DSCAM: variants seen among roughly 807,000 people sequenced by gnomAD.
The protein encoded by DSCAM is DS cell adhesion molecule.
In DSCAM, 47 loss-of-function variants were observed where a neutral mutation model predicts 217.7. The ratio of observed to expected loss-of-function variants is 0.22; its 90% CI spans 0.17 to 0.28. The LOEUF is 0.28. Ranked by LOEUF, DSCAM falls within the 10% of genes least tolerant of loss-of-function variation. The pLI is 1.00. For missense variants in DSCAM, 2,080 were observed against 2,618.3 expected (o/e 0.79, Z 4.49); for synonymous variants, 1,056 against 1,015.3 (o/e 1.04, Z -0.76).
At chr21:40,740,924 A>T (rs73224240) in intron 1 of DSCAM, among the ~76,000 whole-genome samples, 1 of 152,376 alleles carries the variant, frequency 6.6e-6, no homozygotes, top group Non-Finnish European at 1.5e-5. Context: ...ACTCTAGGTT[A>T]GGCAGCTTAT....
intron 3 of DSCAM, among the ~76,000 whole-genome samples, chr21:40,640,292 A>T (rs2089862141): frequency 6.6e-6 from 1 of 151,202 alleles, no homozygotes; most frequent in Admixed American, 6.9e-5. Context: ...CTTTCTCCCC[A>T]GCGGAGGGAG....
chr21:40,777,861 A>G (rs893096792), intron 1 of DSCAM, among the ~76,000 whole-genome samples: 7 of 152,314 alleles, frequency 4.6e-5, no homozygotes, highest in African/African-American at 1.7e-4. Context: ...ATTACAGAAC[A>G]TCAAAAACAA....
chr21:40,348,565 A>ATG (rs2074592152), intron 5 of DSCAM, among the ~76,000 whole-genome samples: 1 of 152,024 alleles, frequency 6.6e-6, no homozygotes, highest in Non-Finnish European at 1.5e-5. Context: ...TACTCCTAAC[A>ATG]GTTCTTATCA....
intron 3 of DSCAM, among the ~76,000 whole-genome samples, chr21:40,387,864 G>A (rs954521129): frequency 3.6e-4 from 54 of 152,006 alleles, no homozygotes; most frequent in African/African-American, 1.3e-3. Flanking sequence ...TTTGCAGAAT[G>A]GGCAGAAATA....
In DSCAM at chr21:40,055,743, C is replaced by G. The variant is rs1431666296; in HGVS notation, c.5017G>C (p.Asp1673His). 8 of 1,613,134 alleles carry G rather than the reference C, an allele frequency of 5.0e-6. No homozygotes were observed. Among genetic ancestry groups the G allele is most frequent in the Admixed American group, 1.7e-5 (1 of 59,994 alleles). Residue 1673 changes from aspartate (D) to histidine (H), a missense_variant, in exon 29 of 33, where the codon GAC becomes CAC. Asp to His is a moderately conservative substitution (Grantham distance 81, BLOSUM62 -1). Coordinates refer to ENST00000400454, the MANE Select transcript of DSCAM (RefSeq NM_001389.5). ...PRAQLLIEERDTMETIDDRST... is the reference protein window; with the variant it reads ...PRAQLLIEERHTMETIDDRST... ...AGCTTACCAATGGTCTCCATCGTGT[C>G]TCTCTCTTCAATCAAAAGCTGAGCC...
Position 40,372,172 on chromosome 21 carries a change from T to G in DSCAM, c.509-2927A>C, listed in dbSNP as rs114793203. 4.0e-3 allele frequency among the ~76,000 whole-genome samples: 606 copies of G among 152,322 alleles called. 5 individuals are homozygous for G. Among genetic ancestry groups the G allele is most frequent in the African/African-American group, 0.014 (587 of 41,550 alleles). On this transcript the variant is annotated intron_variant, in intron 3 of 32. Transcript: ENST00000400454. Reference sequence around the variant, plus strand: ...GCCCTGTGGTAACAAGGAATCATTTTAACTGCTCCCTAACTTGCCACTGTA... The same window carrying G: ...GCCCTGTGGTAACAAGGAATCATTTGAACTGCTCCCTAACTTGCCACTGTA...
chr21:40,714,189 G>A (rs1041669281), intron 1 of DSCAM, among the ~76,000 whole-genome samples: 1 of 152,188 alleles, frequency 6.6e-6, no homozygotes, highest in Non-Finnish European at 1.5e-5. Context: ...CATTAGGGCG[G>A]TGCTGAGACG....
chr21:40,159,687 A>G (rs1480216632), intron 16 of DSCAM, among the ~76,000 whole-genome samples: 1 of 152,192 alleles, frequency 6.6e-6, no homozygotes, highest in Non-Finnish European at 1.5e-5. Context: ...CGTTCAAGGA[A>G]TTATTCTGCC....
intron 1 of DSCAM, among the ~76,000 whole-genome samples, chr21:40,835,266 C>T (rs1000347337): frequency 1.3e-5 from 2 of 152,134 alleles, no homozygotes; most frequent in Non-Finnish European, 2.9e-5. Flanking sequence ...AAAAGATTGA[C>T]CTACTCTACT....
At position 40,154,331 on chromosome 21, in the gene DSCAM, C is replaced by T. The variant is rs532302067; in HGVS notation, c.3019-9600G>A. Among the ~76,000 whole-genome samples the T allele has an allele frequency of 7.9e-5, 12 of 152,092 alleles. 1 individual carries two copies. In the South Asian group the frequency reaches 2.3e-3, roughly 29 times the overall value. On this transcript the variant is annotated intron_variant, in intron 16 of 32. Coordinates refer to ENST00000400454, the MANE Select transcript of DSCAM (RefSeq NM_001389.5). ...GCAGTGGTGGGATCATGGCTCACTG[C>T]AGCCTCAACCACCCCAGGCTCAAAT...
intron 3 of DSCAM, among the ~76,000 whole-genome samples, chr21:40,518,661 T>C (rs1013691702): frequency 7.3e-6 from 1 of 137,302 alleles, no homozygotes; most frequent in African/African-American, 2.9e-5. Context: ...TATGTGTATA[T>C]ATATGTGTAT....
At chr21:40,799,042 T>G (rs1019733852) in intron 1 of DSCAM, among the ~76,000 whole-genome samples, 2 of 152,126 alleles carry the variant, frequency 1.3e-5, no homozygotes, top group African/African-American at 4.8e-5. Context: ...ATAAAGACAT[T>G]TTTAGATATC....
chr21:40,702,722 T>G (rs1034869690), intron 2 of DSCAM, among the ~76,000 whole-genome samples: 1 of 152,172 alleles, frequency 6.6e-6, no homozygotes, highest in Non-Finnish European at 1.5e-5. Context: ...TTGTTTTGGA[T>G]TGAGGATTTT....
chr21:40,652,979 A>G (rs1048196482), intron 3 of DSCAM, among the ~76,000 whole-genome samples: 2 of 152,140 alleles, frequency 1.3e-5, no homozygotes, highest in African/African-American at 4.8e-5. Flanking sequence ...CAAGGCTTGT[A>G]TGAGCTCCCT....
chr21:40,366,424 G>T (rs1176231976), intron 4 of DSCAM, among the ~76,000 whole-genome samples: 1 of 151,724 alleles, frequency 6.6e-6, no homozygotes, highest in East Asian at 1.9e-4. Flanking sequence ...TTTAATTTTA[G>T]AACTCTTCAT....
chr21:40,618,663 G>GAGA (rs2089438249), intron 3 of DSCAM: 1 of 145,394 alleles, frequency 6.9e-6, no homozygotes, highest in African/African-American at 2.5e-5. Context: ...AGAACTCTGA[G>GAGA]AAAAAAAAAA....
chr21:40,159,334 C>T (rs1016445), intron 16 of DSCAM, among the ~76,000 whole-genome samples: 19,377 of 152,082 alleles, frequency 0.13, 1,619 homozygotes, highest in Middle Eastern at 0.22. Context: ...ATGTCATCAG[C>T]GAGATGGCTT....
intron 1 of DSCAM, among the ~76,000 whole-genome samples, chr21:40,736,913 A>T (rs1019033122): frequency 6.6e-5 from 10 of 152,226 alleles, no homozygotes; most frequent in Non-Finnish European, 1.3e-4. Context: ...TTATTGTGGA[A>T]CTTTAGTTTT....
At chr21:40,837,405 C>T (rs2092065878) in intron 1 of DSCAM, among the ~76,000 whole-genome samples, 1 of 152,094 alleles carries the variant, frequency 6.6e-6, no homozygotes, top group African/African-American at 2.4e-5. Context: ...AGTTCCTTGC[C>T]CAAAACAAAT....
Sources: allele counts gnomAD v4.1 joint callset (sites outside exome capture counted in the v4.1 genomes callset), GRCh38; gene constraint gnomAD v4.1.1; transcripts MANE v1.5; gene names NCBI Gene and HGNC (gene_info 2026-07-23, HGNC 2026-07-21).